Variants in EPHX3 observed in about 807,000 individuals in gnomAD.
EPHX3 encodes abhydrolase domain containing 9.
In EPHX3, 39 loss-of-function variants were observed where a neutral mutation model predicts 40.2. The ratio of observed to expected loss-of-function variants is 0.97; its 90% CI spans 0.75 to 1.27. EPHX3 has a LOEUF of 1.27. Among genes scored for constraint, EPHX3 ranks in the 50% most tolerant of loss-of-function variants. The pLI is 0.00. For synonymous variants in EPHX3, 213 were observed against 209.7 expected, an observed-to-expected ratio of 1.02 and a Z score of -0.14; for missense variants, 442 against 474.0, an observed-to-expected ratio of 0.93 and a Z score of 0.63.
chr19:15,235,901 C>T (rs577263872), upstream of EPHX3: 25 of 152,336 alleles, frequency 1.6e-4, no homozygotes, highest in Admixed American at 7.8e-4. Flanking sequence ...AACTATCCAG[C>T]TCAGCAGTTG....
At chr19:15,230,633 A>T (rs990596640) in intron 4 of EPHX3, among the ~76,000 whole-genome samples, 1 of 149,142 alleles carries the variant, frequency 6.7e-6, no homozygotes, top group African/African-American at 2.5e-5. Context: ...GGCATGCACC[A>T]CCAATGCCTG....
upstream of EPHX3, among the ~76,000 whole-genome samples, chr19:15,233,977 G>T (rs1250188780): frequency 1.3e-5 from 2 of 151,712 alleles, no homozygotes; most frequent in Non-Finnish European, 2.9e-5. Flanking sequence ...GGAGAACGGC[G>T]TGAACCCAGG....
upstream of EPHX3, chr19:15,232,525 G>A: frequency 1.0e-6 from 1 of 972,428 alleles, no homozygotes; most frequent in Non-Finnish European, 1.3e-6. Context: ...CCTGTGCGGG[G>A]CTTAGGGCCG....
At chr19:15,235,842 TGGA>T (rs922031428), upstream of EPHX3, 2 of 152,092 alleles carry the variant, frequency 1.3e-5, no homozygotes, top group African/African-American at 4.8e-5. Flanking sequence ...CAGGGAGGTG[TGGA>T]GAAGGCCATG....
upstream of EPHX3, chr19:15,236,310 C>T: frequency 6.6e-6 from 1 of 152,160 alleles, no homozygotes; most frequent in East Asian, 1.9e-4. Flanking sequence ...CAAGTGGACA[C>T]ACAGGCAGAG....
At position 15,227,663 on chromosome 19, in the gene EPHX3, CTG is replaced by C; in HGVS notation, c.858-3_858-2del. 6.2e-7 allele frequency: 1 copy of C among 1,614,004 alleles called. No individual in the cohort carries two copies. On this transcript the variant is annotated splice_acceptor_variant and splice_polypyrimidine_tract_variant and intron_variant, in intron 6 of 6. Coordinates refer to ENST00000221730, the MANE Select transcript of EPHX3 (RefSeq NM_024794.3). LOFTEE classifies it high-confidence loss of function. ...CTCCTGGGGTTCCAGGGGGAAGTTC[CTG>C]TGGCCAGGACAGACAGACAGGCAGA...
upstream of EPHX3, chr19:15,233,155 G>A (rs961967036): frequency 2.0e-5 from 3 of 151,162 alleles, no homozygotes; most frequent in African/African-American, 2.4e-5. Flanking sequence ...GGAGGGGGCG[G>A]TGGGGTGGGG....
Position 15,231,385 on chromosome 19 carries a change from C to T in EPHX3, c.341G>A (p.Arg114His), listed in dbSNP as rs763734141. 7.4e-5 allele frequency: 119 copies of T among 1,613,588 alleles called. No individual in the cohort carries two copies. Among genetic ancestry groups the T allele is most frequent in the Non-Finnish European group, 9.4e-5 (111 of 1,179,988 alleles). ...HGFPENWFSW[R>H]YQLREFQSRF... ...GCTCTGGAACTCCCGGAGCTGGTAA[C>T]GCCAGGAGAACCTGCCAGGCGGGCG... is the stretch of plus-strand genomic sequence containing the variant. Residue 114 changes from arginine to histidine, a missense_variant, in exon 3 of 7, where the codon CGT becomes CAT. Physicochemically the swap from Arg to His is conservative, Grantham distance 29. Coordinates refer to ENST00000221730, the MANE Select transcript of EPHX3 (RefSeq NM_024794.3).
At chr19:15,234,686 T>C (rs1192442301), upstream of EPHX3, among the ~76,000 whole-genome samples, 2 of 152,218 alleles carry the variant, frequency 1.3e-5, no homozygotes, top group African/African-American at 4.8e-5. Flanking sequence ...TTTGTTTCCC[T>C]GTTAGTTTCC....
upstream of EPHX3, chr19:15,236,960 T>C (rs1375524100): frequency 4.9e-6 from 1 of 202,648 alleles, no homozygotes; most frequent in African/African-American, 2.4e-5. Context: ...AGCGTCGTGG[T>C]GTAGAGTGGG....
rs754951288 is a variant in EPHX3, at chr19:15,227,778, G to A, written c.850C>T (p.Leu284Phe). Residue 284 changes from leucine (L) to phenylalanine (F), a missense_variant, in exon 6 of 7, where the codon CTC (leucine) becomes TTC (phenylalanine). Leu to Phe is a conservative substitution (Grantham distance 22, BLOSUM62 0). Coordinates refer to ENST00000221730, the MANE Select transcript of EPHX3 (RefSeq NM_024794.3). ...LTGPLNYYRN[L>F]FRNFPLEPQE... The stretch of plus-strand genomic sequence containing the variant: ...CTTGGCAACTGGTCTCACCTGAAGA[G>A]GTTTCGGTAGTAGTTGAGGGGCCCA... 19 of 1,613,810 alleles carry A rather than the reference G, an allele frequency of 1.2e-5. No homozygotes were observed. Among genetic ancestry groups the A allele is most frequent in the Non-Finnish European group, 1.6e-5 (19 of 1,179,958 alleles).
chr19:15,235,538 A>G (rs960718800), upstream of EPHX3: 5 of 151,234 alleles, frequency 3.3e-5, no homozygotes, highest in Admixed American at 1.3e-4. Context: ...ACTCAGTACA[A>G]ATGTTTATTT....
rs780506628 is a variant in EPHX3 at position 15,231,188 on chromosome 19, C to A, written c.487+51G>T. The A allele has an allele frequency of 4.3e-6, 7 of 1,612,332 alleles. No homozygotes were observed. The South Asian group carries it at 5.5e-5, about 13-fold the overall frequency. On this transcript the variant is annotated intron_variant, in intron 3 of 6. Transcript: ENST00000221730. The stretch of plus-strand genomic sequence containing the variant: ...CCAGCAAGGAGAAAGCGGGGGTATG[C>A]GTGTGTGCAGGATGAGGGAGGCCAC...
At position 15,228,013 on chromosome 19, in the gene EPHX3, G is replaced by A. The variant is rs576230808; in HGVS notation, c.704C>T (p.Ser235Phe). Residue 235 changes from serine (S) to phenylalanine (F), a missense_variant, in exon 5 of 7, where the codon TCT becomes TTT. Transcript: ENST00000221730. ...QLPWLPEKLL[S>F]MSDFQILKTT... ...CCTCTGTACCTGAAAGTCAGACATA[G>A]ACAGCAGCTTCTCGGGCAGCCAGGG... 3 of 1,589,432 alleles carry A rather than the reference G, an allele frequency of 1.9e-6. No individual in the cohort carries two copies. The highest frequency in any genetic ancestry group is 3.4e-5 in the Admixed American group (2 of 59,190).
In EPHX3 at chr19:15,230,970, A is replaced by G; in HGVS notation, c.608T>C (p.Val203Ala). ...CGGACTCCCACACACACCTTGGTAC[A>G]CCGACATGGGGGCACCACTGACCAC... Reference protein sequence around the residue: ...MVVVSGAPMSVYQDYSLHHIS... With the variant: ...MVVVSGAPMSAYQDYSLHHIS... Residue 203 changes from valine (V) to alanine (A), a missense_variant, in exon 4 of 7, where the codon GTG becomes GCG. Transcript: ENST00000221730. 6.2e-7 allele frequency: 1 copy of G among 1,613,982 alleles called. No homozygotes were observed. Among genetic ancestry groups the G allele is most frequent in the African/African-American group, 1.3e-5 (1 of 75,024 alleles).
At chr19:15,236,526 G>A (rs1339076320), upstream of EPHX3, 1 of 146,782 alleles carries the variant, frequency 6.8e-6, no homozygotes, top group Non-Finnish European at 1.5e-5. Flanking sequence ...GAGTAGGGGG[G>A]ACAGGATGGA....
In EPHX3 at chr19:15,232,256, C is replaced by A. The variant is rs574857909; in HGVS notation, c.-45G>T. ...ACGGCGGCGCTGCCGGCCAGGGGCA[C>A]CTGCAGCAGCGGCGAAGCGGTGTCA... On this transcript the variant is annotated 5_prime_UTR_variant, in exon 1 of 7. Transcript: ENST00000221730. 4 of 1,440,246 alleles carry A rather than the reference C, an allele frequency of 2.8e-6. No homozygotes were observed. In the African/African-American group the frequency reaches 4.5e-5, roughly 16 times the overall value. The allele number at this position is 1,440,246 out of a possible 1,614,324, so 89.2% of individuals were successfully genotyped here.
intron 4 of EPHX3, among the ~76,000 whole-genome samples, chr19:15,228,412 A>T (rs1393290669): frequency 6.6e-6 from 1 of 151,646 alleles, no homozygotes; most frequent in African/African-American, 2.4e-5. Context: ...CAACTACTGC[A>T]TGCCAGGCCT....
At chr19:15,230,904 C>A in intron 4 of EPHX3, 58 bp downstream of exon 4, 1 of 1,594,372 alleles carries the variant, frequency 6.3e-7, no homozygotes, top group Non-Finnish European at 8.6e-7. Flanking sequence ...AACACAGACA[C>A]ATGTCCCTGC....
Sources: allele counts gnomAD v4.1 joint callset (sites outside exome capture counted in the v4.1 genomes callset), GRCh38; gene constraint gnomAD v4.1.1; transcripts MANE v1.5; gene names NCBI Gene and HGNC (gene_info 2026-07-23, HGNC 2026-07-21).